The following RP1 variants were observed in gnomAD, a reference collection of about 807,000 sequenced individuals.
The protein encoded by RP1 is oxygen-regulated protein 1.
A neutral mutation model predicts 14.8 loss-of-function variants in RP1; 16 were observed. The observed-to-expected ratio is 1.08, with a 90% confidence interval of 0.73 to 1.65. The LOEUF (loss-of-function observed/expected upper bound fraction) is 1.65. Among genes scored for constraint, RP1 ranks in the 40% most tolerant of loss-of-function variants. RP1 has a pLI of 0.00. For missense variants in RP1, 2,631 were observed against 2,535.0 expected (o/e 1.04, Z -0.81); for synonymous variants, 876 against 883.6 (o/e 0.99, Z 0.15).
chr8:54,629,284 C>G lies in RP1; in HGVS notation c.5402C>G (p.Ser1801Cys), dbSNP rs756209226. ...LAPGPTMDEL[S>C]SSELEELTQP... is the part of the protein sequence containing the mutation. ...CCAGGCCCAACGATGGATGAACTCT[C>G]CTCTTCAGAACTCGAGGAACTGACT... is the stretch of plus-strand genomic sequence containing the variant. The change falls in exon 4 of 4, where the codon TCC becomes TGC. Residue 1801 changes from serine to cysteine, a missense_variant. Ser to Cys is a moderately radical substitution (Grantham distance 112). Transcript: ENST00000220676. The G allele has an allele frequency of 1.2e-6, 2 of 1,613,554 alleles. No individual in the cohort carries two copies. The highest frequency in any genetic ancestry group is 1.7e-5 in the Admixed American group (1 of 59,952).
chr8:54,649,084 C>A (rs957751421), exon 4 of RP1: 2 of 1,531,162 alleles, frequency 1.3e-6, no homozygotes, highest in African/African-American at 2.7e-5. Context: ...AGAAGTTCAG[C>A]CCCCATATAT....
chr8:54,605,457 A>C (rs1406374435), intron 1 of RP1, among the ~76,000 whole-genome samples: 1 of 152,122 alleles, frequency 6.6e-6, no homozygotes, highest in African/African-American at 2.4e-5. Context: ...CTTTACTTCC[A>C]ACTATGTGGT....
intron 28 of RP1, among the ~76,000 whole-genome samples, chr8:54,867,941 GTATA>G (rs2129330616): frequency 6.6e-6 from 1 of 152,284 alleles, no homozygotes; most frequent in Non-Finnish European, 1.5e-5. Context: ...ATATTGGCCA[GTATA>G]TATACAACAT....
At chr8:54,611,970 G>C (rs1027348592), upstream of RP1, among the ~76,000 whole-genome samples, 1 of 146,116 alleles carries the variant, frequency 6.8e-6, no homozygotes, top group African/African-American at 2.5e-5. Flanking sequence ...TCTTTGCCAA[G>C]GATCAGCCTG....
chr8:54,853,605 G>C (rs909307785), intron 26 of RP1, among the ~76,000 whole-genome samples: 1 of 151,978 alleles, frequency 6.6e-6, no homozygotes, highest in East Asian at 1.9e-4. Context: ...AGGTGGCTAA[G>C]GCAAGACCTC....
intron 24 of RP1, among the ~76,000 whole-genome samples, chr8:54,821,434 T>C (rs951139726): frequency 4.6e-5 from 7 of 152,228 alleles, no homozygotes; most frequent in Non-Finnish European, 8.8e-5. Context: ...CTGATTTCAA[T>C]AGGCTTATGT....
At chr8:54,763,881 G>A (rs112842043) in intron 22 of RP1, among the ~76,000 whole-genome samples, 15 of 152,158 alleles carry the variant, frequency 9.9e-5, no homozygotes, top group African/African-American at 1.4e-4. Context: ...AAGTGTTCCC[G>A]TCTCATTTCT....
intron 24 of RP1, among the ~76,000 whole-genome samples, chr8:54,824,885 C>A (rs149794090): frequency 4.8e-4 from 73 of 152,162 alleles, no homozygotes; most frequent in Middle Eastern, 3.4e-3. Flanking sequence ...TTTTAAAACT[C>A]TCAGAAAAAA....
At chr8:54,814,822 A>G (rs1307068610) in intron 24 of RP1, among the ~76,000 whole-genome samples, 1 of 152,194 alleles carries the variant, frequency 6.6e-6, no homozygotes, top group Non-Finnish European at 1.5e-5. Context: ...AAAATAAAAA[A>G]AGCTCCAGTA....
In RP1 at chr8:54,597,871, T is replaced by A. The variant is rs529559725; in HGVS notation, c.-12-23084T>A. ...ATGACTGCAAATGGAGACAAAGTGT[T>A]TTTTTTTGGGTTGATGAAAATGTGT... On this transcript the variant is annotated intron_variant, in intron 1 of 22. Transcript: ENST00000636932. Among the ~76,000 whole-genome samples the A allele has an allele frequency of 3.3e-5, 5 of 152,100 alleles. No individual in the cohort carries two copies. In the South Asian group the frequency reaches 1.0e-3, roughly 32 times the overall value.
At chr8:54,765,169 A>G (rs1809731494) in intron 22 of RP1, among the ~76,000 whole-genome samples, 1 of 152,212 alleles carries the variant, frequency 6.6e-6, no homozygotes, top group South Asian at 2.1e-4. Context: ...GTACCATCCC[A>G]TCATTATTAT....
chr8:54,582,304 G>A (rs1437007986), intron 1 of RP1, among the ~76,000 whole-genome samples: 1 of 152,022 alleles, frequency 6.6e-6, no homozygotes, highest in Non-Finnish European at 1.5e-5. Context: ...TCAAAGATCA[G>A]ATGGTTGTAG....
intron 14 of RP1, among the ~76,000 whole-genome samples, chr8:54,705,688 A>T (rs951062106): frequency 1.3e-5 from 2 of 152,200 alleles, no homozygotes; most frequent in Non-Finnish European, 2.9e-5. Context: ...GGGTAAAGTT[A>T]AATTCTTAGT....
intron 12 of RP1, among the ~76,000 whole-genome samples, chr8:54,694,985 C>A (rs1028433937): frequency 6.6e-6 from 1 of 152,038 alleles, no homozygotes; most frequent in South Asian, 2.1e-4. Flanking sequence ...CTACACACTG[C>A]TTTGAATGTG....
At chr8:54,793,879 A>G (rs1394201738) in intron 24 of RP1, among the ~76,000 whole-genome samples, 1 of 151,924 alleles carries the variant, frequency 6.6e-6, no homozygotes, top group Admixed American at 6.6e-5. Context: ...AGGAAGTAAA[A>G]TCATCTGTTT....
chr8:54,722,768 A>C (rs974359303), intron 16 of RP1, among the ~76,000 whole-genome samples: 1 of 152,052 alleles, frequency 6.6e-6, no homozygotes, highest in Non-Finnish European at 1.5e-5. Flanking sequence ...GGGGACTTGG[A>C]TAGGGTAAGA....
rs773983342 is a variant in RP1 at position 54,621,379 on chromosome 8, C to A, written c.413C>A (p.Pro138Gln). 1.6e-5 allele frequency: 25 copies of A among 1,612,688 alleles called. No individual in the cohort carries two copies. The highest frequency in any genetic ancestry group is 2.7e-5 in the African/African-American group (2 of 74,900). Residue 138 changes from proline to glutamine, a missense_variant, in exon 2 of 4, where the codon CCG becomes CAG. By Grantham distance (76) the Pro-to-Gln change is moderately conservative. Coordinates refer to ENST00000220676, the MANE Select transcript of RP1 (RefSeq NM_006269.2). Reference sequence around the variant, plus strand: ...AGCCGGGCCATTAGCGCGCACTCACCGCCCCACCCCGTAGCCGTCGCTGCT... The same window carrying A: ...AGCCGGGCCATTAGCGCGCACTCACAGCCCCACCCCGTAGCCGTCGCTGCT... ...LSSRAISAHS[P>Q]PHPVAVAAPG...
intron 1 of RP1, among the ~76,000 whole-genome samples, chr8:54,588,447 T>A (rs1194622798): frequency 6.6e-6 from 1 of 152,186 alleles, no homozygotes; most frequent in Non-Finnish European, 1.5e-5. Context: ...CCTTCATGTT[T>A]TGAAGATTAG....
intron 1 of RP1, among the ~76,000 whole-genome samples, chr8:54,562,189 A>G (rs905288072): frequency 2.6e-5 from 4 of 152,252 alleles, no homozygotes; most frequent in Admixed American, 6.5e-5. Context: ...TTAAAATTTC[A>G]TGTCATAGCT....
Sources: gnomAD v4.1 joint callset for allele counts (sites outside exome capture counted in the v4.1 genomes callset) on GRCh38, gnomAD v4.1.1 for gene constraint, MANE v1.5 for transcripts, NCBI Gene and HGNC (gene_info 2026-07-23, HGNC 2026-07-21) for gene names.